LRFN5: variants seen among roughly 807,000 people sequenced by gnomAD.
LRFN5 encodes leucine-rich repeat and fibronectin type-III domain-containing protein 5.
Under a neutral mutation model 45.6 loss-of-function variants are expected in LRFN5, and 24 were observed. That is an observed-to-expected ratio of 0.53 (90% confidence interval 0.38 to 0.74). The LOEUF (loss-of-function observed/expected upper bound fraction) is 0.74. Among genes scored for constraint, LRFN5 ranks in the 30% least tolerant of loss-of-function variants. The probability of loss-of-function intolerance (pLI) is 0.00; values close to 1 mark genes in which losing one functional copy is unlikely to be tolerated. For synonymous variants in LRFN5, 340 were observed against 313.8 expected, an observed-to-expected ratio of 1.08 and a Z score of -0.88; for missense variants, 776 against 861.5, an observed-to-expected ratio of 0.90 and a Z score of 1.24.
chr14:41,703,978 A>T (rs1001284544), intron 1 of LRFN5, among the ~76,000 whole-genome samples: 2 of 152,044 alleles, frequency 1.3e-5, no homozygotes, highest in African/African-American at 4.8e-5. Flanking sequence ...TATCACTCCG[A>T]TCTAGGTAGC....
intron 2 of LRFN5, among the ~76,000 whole-genome samples, chr14:41,822,646 T>TGTTCTGTTAG (rs1185674569): frequency 1.3e-5 from 2 of 152,170 alleles, no homozygotes; most frequent in East Asian, 3.9e-4. Flanking sequence ...GTTCTGTAAA[T>TGTTCTGTTAG]GTCTGTTAGG....
rs563493957 is a variant in LRFN5, at chr14:41,901,349, A to T, written c.2142+2389A>T. On this transcript the variant is annotated intron_variant, in intron 5 of 5. Transcript: ENST00000298119. ...GCAGTTAAGTAAGAAATAGTTGAGT[A>T]GTTTCCATTTATACTGAAAATGCCT... 3.9e-5 allele frequency among the ~76,000 whole-genome samples: 6 copies of T among 151,982 alleles called. No individual in the cohort carries two copies. The Admixed American group carries it at 4.0e-4, about 10-fold the overall frequency.
intron 1 of LRFN5, among the ~76,000 whole-genome samples, chr14:41,705,018 A>G (rs1333262299): frequency 6.6e-6 from 1 of 152,166 alleles, no homozygotes; most frequent in Non-Finnish European, 1.5e-5. Flanking sequence ...CTCATTAATT[A>G]TAAGGATAAG....
In LRFN5 at chr14:41,886,995, A is replaced by C. The variant is rs1352473355; in HGVS notation, c.370A>C (p.Asn124His). The change falls in exon 3 of 6, where the codon AAT becomes CAT. Residue 124 changes from asparagine (N) to histidine (H), a missense_variant. Physicochemically the swap from Asn to His is moderately conservative, Grantham distance 68. This residue lies in a region of LRFN5 where 311 missense variants were observed against 405.1 expected (regional missense o/e 0.77). Coordinates refer to ENST00000298119, the MANE Select transcript of LRFN5 (RefSeq NM_152447.5). ...ITNDMFSGLS[N>H]LHHLILNNNQ... ...AAATGATATGTTCAGTGGTCTTTCC[A>C]ATCTTCATCATTTGATACTGAACAA... 1 of 1,614,170 alleles carries C rather than the reference A, an allele frequency of 6.2e-7. No homozygotes were observed. Among genetic ancestry groups the C allele is most frequent in the East Asian group, 2.2e-5 (1 of 44,888 alleles).
intron 2 of LRFN5, among the ~76,000 whole-genome samples, chr14:41,791,207 A>T (rs1886908090): frequency 1.3e-5 from 2 of 152,064 alleles, no homozygotes; most frequent in South Asian, 4.1e-4. Context: ...TTTGGAAAAC[A>T]TTCCAACTTT....
intron 1 of LRFN5, among the ~76,000 whole-genome samples, chr14:41,763,158 G>T (rs1195156549): frequency 2.6e-5 from 4 of 152,096 alleles, no homozygotes; most frequent in Admixed American, 2.6e-4. Context: ...AATGTATAAG[G>T]TTTTATGATG....
chr14:41,804,366 G>A (rs1014636084), intron 2 of LRFN5, among the ~76,000 whole-genome samples: 7 of 152,086 alleles, frequency 4.6e-5, no homozygotes, highest in Non-Finnish European at 8.8e-5. Flanking sequence ...TCTGGGTGGA[G>A]CCATTTGGTC....
rs1380198596 is a variant in LRFN5 at position 41,673,518 on chromosome 14, G to A, written c.-197+64956G>A. Among the ~76,000 whole-genome samples, 87 of 140,532 alleles carry A rather than the reference G, an allele frequency of 6.2e-4. 1 individual carries two copies. Among genetic ancestry groups the A allele is most frequent in the African/African-American group, 1.5e-3 (55 of 37,766 alleles). The allele number at this position is 140,532 out of a possible 152,430, so 92.2% of individuals were successfully genotyped here. A position where few individuals can be genotyped will look rare whatever the true frequency, so the allele number is the denominator to read the frequency against. ...GGGCTCCTCACTTCCCAGTAGGGGC[G>A]GCCGGGCAGAGGCACCCCTCACCTC... On this transcript the variant is annotated intron_variant, in intron 1 of 5. Coordinates refer to ENST00000298119, the MANE Select transcript of LRFN5 (RefSeq NM_152447.5).
intron 2 of LRFN5, among the ~76,000 whole-genome samples, chr14:41,881,678 C>G (rs1053007633): frequency 2.0e-5 from 3 of 151,954 alleles, no homozygotes; most frequent in Admixed American, 2.0e-4. Context: ...AGATCTAATA[C>G]TTTTTGTTCT....
At chr14:41,724,944 T>G (rs1358846643) in intron 1 of LRFN5, among the ~76,000 whole-genome samples, 1 of 152,186 alleles carries the variant, frequency 6.6e-6, no homozygotes, top group South Asian at 2.1e-4. Context: ...ATTCCCTTAT[T>G]TTTTGTCCAT....
At chr14:41,621,214 T>C (rs1234790978) in intron 1 of LRFN5, among the ~76,000 whole-genome samples, 1 of 152,122 alleles carries the variant, frequency 6.6e-6, no homozygotes, top group Non-Finnish European at 1.5e-5. Flanking sequence ...TTTTTCTATT[T>C]TCTGTGTCCC....
At chr14:41,844,246 G>A (rs1358461684) in intron 2 of LRFN5, among the ~76,000 whole-genome samples, 1 of 151,996 alleles carries the variant, frequency 6.6e-6, no homozygotes. Context: ...GACCATCCTG[G>A]CTAACATGGT....
intron 1 of LRFN5, among the ~76,000 whole-genome samples, chr14:41,662,914 AC>A (rs1229368057): frequency 6.6e-6 from 1 of 152,098 alleles, no homozygotes; most frequent in Non-Finnish European, 1.5e-5. Flanking sequence ...GACATTGCCA[AC>A]CACCTTCTTT....
intron 2 of LRFN5, among the ~76,000 whole-genome samples, chr14:41,843,701 C>G (rs2139059417): frequency 6.6e-6 from 1 of 152,234 alleles, no homozygotes; most frequent in African/African-American, 2.4e-5. Flanking sequence ...TGTACTAATA[C>G]TTTCTTGCCT....
chr14:41,827,596 T>C (rs987530958), intron 2 of LRFN5, among the ~76,000 whole-genome samples: 3 of 151,966 alleles, frequency 2.0e-5, no homozygotes, highest in African/African-American at 7.2e-5. Flanking sequence ...TTCCCTGAAA[T>C]TCTGGGCACC....
At chr14:41,842,089 C>G (rs915512561) in intron 2 of LRFN5, among the ~76,000 whole-genome samples, 2 of 151,882 alleles carry the variant, frequency 1.3e-5, no homozygotes, top group African/African-American at 4.8e-5. Flanking sequence ...TTATACCACA[C>G]AATTTGATAT....
intron 1 of LRFN5, among the ~76,000 whole-genome samples, chr14:41,610,968 G>C (rs1005985350): frequency 4.6e-5 from 7 of 152,050 alleles, no homozygotes; most frequent in African/African-American, 1.4e-4. Context: ...TACCTATCTA[G>C]AGAGTGCACA....
intron 1 of LRFN5, among the ~76,000 whole-genome samples, chr14:41,732,386 C>T (rs1884217968): frequency 6.6e-6 from 1 of 152,134 alleles, no homozygotes; most frequent in African/African-American, 2.4e-5. Flanking sequence ...GCCTTGTTCC[C>T]ACTTTTATTT....
At chr14:41,677,712 T>TA (rs1335318966) in intron 1 of LRFN5, among the ~76,000 whole-genome samples, 1 of 151,964 alleles carries the variant, frequency 6.6e-6, no homozygotes, top group African/African-American at 2.4e-5. Context: ...TGAACACAGA[T>TA]AAAATCAATA....
Sources: gnomAD v4.1 joint callset for allele counts (sites outside exome capture counted in the v4.1 genomes callset) on GRCh38, gnomAD v4.1.1 for gene constraint, gnomAD v4.1.1 regional missense constraint, MANE v1.5 for transcripts, NCBI Gene and HGNC (gene_info 2026-07-23, HGNC 2026-07-21) for gene names.